DSG2: variants seen among roughly 807,000 people sequenced by gnomAD.
DSG2 encodes the protein desmoglein 2.
Under a neutral mutation model 75.6 loss-of-function variants are expected in DSG2, and 45 were observed. The observed-to-expected ratio is 0.60, with a 90% CI of 0.47 to 0.76. The LOEUF is 0.76. Among genes scored for constraint, DSG2 ranks in the 30% least tolerant of loss-of-function variants. DSG2 has a pLI of 0.00. For missense variants in DSG2, 1,267 were observed against 1,357.4 expected (o/e 0.93, Z 1.05); for synonymous variants, 429 against 483.9 (o/e 0.89, Z 1.49).
intron 1 of DSG2, among the ~76,000 whole-genome samples, chr18:31,503,220 AC>A (rs1236625142): frequency 6.6e-6 from 1 of 152,222 alleles, no homozygotes; most frequent in Non-Finnish European, 1.5e-5. Context: ...GAATGGTATA[AC>A]AAGTAAATGG....
In DSG2 at chr18:31,548,395, T is replaced by G. The variant is rs886053736; in HGVS notation, c.*1652T>G. The G allele has an allele frequency of 6.6e-6, 1 of 152,350 alleles. No individual in the cohort carries two copies. The highest frequency in any genetic ancestry group is 3.4e-3 in the Middle Eastern group (1 of 294). The allele number at this position is 152,350 out of a possible 1,614,324, so 9.4% of individuals were successfully genotyped here. On this transcript the variant is annotated 3_prime_UTR_variant, in exon 15 of 15. Coordinates refer to ENST00000261590, the MANE Select transcript of DSG2 (RefSeq NM_001943.5). ...AAGTGAAACTTTAAAATTTTGTAGA[T>G]TTTAAAAAATATTGTTGAATGGTGT... is the stretch of plus-strand genomic sequence containing the variant.
chr18:31,536,009 G>A (rs933168074), intron 10 of DSG2, among the ~76,000 whole-genome samples, 193 bp from the exon 11 acceptor site: 1 of 152,152 alleles, frequency 6.6e-6, no homozygotes, highest in Non-Finnish European at 1.5e-5. Flanking sequence ...TTCTCCAGTA[G>A]ATAAATCTCA....
Position 31,542,544 on chromosome 18 carries a change from G to A in DSG2, c.2026G>A (p.Asp676Asn), listed in dbSNP as rs2073274764. 1.1e-5 allele frequency: 18 copies of A among 1,614,024 alleles called. No individual in the cohort carries two copies. The East Asian group carries it at 4.0e-4, about 36-fold the overall frequency. Residue 676 changes from aspartate (D) to asparagine (N), a missense_variant, in exon 14 of 15, where the codon GAT (aspartate) becomes AAT (asparagine). Asp to Asn is a conservative substitution (Grantham distance 23). Coordinates refer to ENST00000261590, the MANE Select transcript of DSG2 (RefSeq NM_001943.5). ...GGTGGTGCCATCATTTCTGCCAGTG[G>A]ATCAAGGGGGCAGTCTAGTAGGAAG... ...DKVVPSFLPV[D>N]QGGSLVGRNG... is the part of the protein sequence containing the mutation.
intron 5 of DSG2, among the ~76,000 whole-genome samples, 198 bp downstream of exon 5, chr18:31,521,441 T>C (rs886311926): frequency 2.6e-5 from 4 of 151,976 alleles, no homozygotes; most frequent in African/African-American, 7.3e-5. Context: ...TCAGAACAGA[T>C]AGGGTAGATT....
chr18:31,542,433 T>C (rs1432970095), intron 13 of DSG2, 87 bp from the exon 14 acceptor site: 2 of 1,433,180 alleles, frequency 1.4e-6, no homozygotes, highest in Non-Finnish European at 2.0e-6. Flanking sequence ...TACCTTCCTA[T>C]GCCCACTTGA....
chr18:31,541,299 A>G lies in DSG2; in HGVS notation c.1986A>G (p.Ala662=), dbSNP rs1598823030. ...TGCATCCTTGGAATAATGAAGGAGCACCACCTGAAGACAAGGTCAGTGGAT... is the reference window on the plus strand; with the variant it reads ...TGCATCCTTGGAATAATGAAGGAGCGCCACCTGAAGACAAGGTCAGTGGAT... ...EMLHPWNNEG[A]PPEDKVVPSF... Residue 662 remains alanine (A), a synonymous_variant, in exon 13 of 15, where the codon GCA becomes GCG. Transcript: ENST00000261590. 2 of 1,614,070 alleles carry G rather than the reference A, an allele frequency of 1.2e-6. No homozygotes were observed. The highest frequency in any genetic ancestry group is 4.5e-5 in the East Asian group (2 of 44,870).
chr18:31,548,569 A>G lies in DSG2; in HGVS notation c.*1826A>G, dbSNP rs1239849748. ...TAATTGTTGTTTCTTTTATTATTAT[A>G]GACTTACTATCAGTTTTATTTTGCC... is the stretch of plus-strand genomic sequence containing the variant. On this transcript the variant is annotated 3_prime_UTR_variant, in exon 15 of 15. Transcript: ENST00000261590. 6.6e-6 allele frequency: 1 copy of G among 152,182 alleles called. No homozygotes were observed. The highest frequency in any genetic ancestry group is 1.9e-4 in the East Asian group (1 of 5,198). The allele number at this position is 152,182 out of a possible 1,614,324, so 9.4% of individuals were successfully genotyped here. A position where few individuals can be genotyped will look rare whatever the true frequency, so the allele number is the denominator to read the frequency against.
intron 14 of DSG2, among the ~76,000 whole-genome samples, chr18:31,545,400 C>T (rs2073297667): frequency 1.3e-5 from 2 of 152,164 alleles, no homozygotes; most frequent in Non-Finnish European, 2.9e-5. Context: ...TTCAGTTTAG[C>T]CAACTATCAC....
intron 12 of DSG2, 32 bp from the exon 13 acceptor site, chr18:31,541,161 C>T: frequency 6.2e-7 from 1 of 1,613,964 alleles, no homozygotes; most frequent in Non-Finnish European, 8.5e-7. Context: ...TCAAGGTTAA[C>T]CTTATCTGTG....
intron 1 of DSG2, among the ~76,000 whole-genome samples, chr18:31,505,124 G>A (rs545291522): frequency 6.6e-6 from 1 of 152,286 alleles, no homozygotes; most frequent in South Asian, 2.1e-4. Context: ...GATCAGTGAA[G>A]AGCCTCAGCT....
intron 6 of DSG2, 126 bp downstream of exon 6, chr18:31,522,375 ACT>A (rs2073134073): frequency 2.0e-6 from 2 of 978,436 alleles, no homozygotes; most frequent in East Asian, 5.2e-5. Flanking sequence ...TCTTGGAATT[ACT>A]CTCTTTTAGG....
rs555738496 is a variant in DSG2 at position 31,517,787 on chromosome 18, G to A, written c.46-452G>A. Among the ~76,000 whole-genome samples, 7 of 151,970 alleles carry A rather than the reference G, an allele frequency of 4.6e-5. No individual in the cohort carries two copies. In the South Asian group the frequency reaches 8.4e-4, roughly 18 times the overall value. On this transcript the variant is annotated intron_variant, in intron 1 of 14. Transcript: ENST00000261590. ...CGAGAAGTCAGAACATGGGCTGTCC[G>A]TGTGTGTGTGGTGTGTGTTTTTTTG...
chr18:31,503,459 A>G (rs2073024072), intron 1 of DSG2, among the ~76,000 whole-genome samples: 1 of 152,220 alleles, frequency 6.6e-6, no homozygotes, highest in Non-Finnish European at 1.5e-5. Flanking sequence ...CTAAACATTC[A>G]TTGTTGCTTG....
In DSG2 at chr18:31,498,419, T is replaced by G. The variant is rs917758703; in HGVS notation, c.45+123T>G. 29 of 1,086,326 alleles carry G rather than the reference T, an allele frequency of 2.7e-5. No homozygotes were observed. The African/African-American group carries it at 4.4e-4, about 17-fold the overall frequency. The allele number at this position is 1,086,326 out of a possible 1,614,324, so 67.3% of individuals were successfully genotyped here. ...GCGTTACCTGCCCGGCGCTCCTTCC[T>G]GCTGCCCGAGGGGGGAAAAGGGCCG... On this transcript the variant is annotated intron_variant, in intron 1 of 14. Coordinates refer to ENST00000261590, the MANE Select transcript of DSG2 (RefSeq NM_001943.5).
chr18:31,541,388 A>G, intron 13 of DSG2, 74 bp downstream of exon 13: 5 of 1,575,894 alleles, frequency 3.2e-6, no homozygotes, highest in Non-Finnish European at 3.5e-6. Flanking sequence ...TGTTTCTTAC[A>G]TGTTTGGTTG....
intron 1 of DSG2, among the ~76,000 whole-genome samples, chr18:31,498,841 A>G (rs73956131): frequency 0.015 from 2,329 of 152,336 alleles, 59 homozygotes; most frequent in African/African-American, 0.053. Flanking sequence ...TACAAAGCTT[A>G]ATTTTAAGTG....
At chr18:31,527,326 T>G in intron 8 of DSG2, among the ~76,000 whole-genome samples, 1 of 152,230 alleles carries the variant, frequency 6.6e-6, no homozygotes, top group East Asian at 1.9e-4. Context: ...GTTCACTCTG[T>G]GATGTTTGCA....
chr18:31,513,611 G>A (rs114889263), intron 1 of DSG2, among the ~76,000 whole-genome samples: 249 of 152,302 alleles, frequency 1.6e-3, no homozygotes, highest in African/African-American at 5.7e-3. Context: ...AATTGAAAAT[G>A]TCTGCCACAG....
intron 1 of DSG2, among the ~76,000 whole-genome samples, chr18:31,508,100 T>G (rs541976259): frequency 2.6e-5 from 4 of 152,306 alleles, no homozygotes; most frequent in African/African-American, 9.6e-5. Context: ...AGTTAATTTT[T>G]GTATAAAGTG....
Sources: gnomAD v4.1 joint callset for allele counts (sites outside exome capture counted in the v4.1 genomes callset) on GRCh38, gnomAD v4.1.1 for gene constraint, MANE v1.5 for transcripts, NCBI Gene and HGNC (gene_info 2026-07-23, HGNC 2026-07-21) for gene names.